Variants in PTPRT observed in about 807,000 individuals in gnomAD.
PTPRT encodes receptor-type tyrosine-protein phosphatase T.
Under a neutral mutation model 176.8 loss-of-function variants are expected in PTPRT, and 56 were observed. The observed-to-expected ratio is 0.32, with a 90% confidence interval of 0.26 to 0.40. The LOEUF (loss-of-function observed/expected upper bound fraction) is 0.40, where lower values mean the gene tolerates loss of function less well. Among genes scored for constraint, PTPRT ranks in the 10% least tolerant of loss-of-function variants. The probability of loss-of-function intolerance (pLI) is 1.00; values close to 1 mark genes in which losing one functional copy is unlikely to be tolerated. For synonymous variants in PTPRT, 783 were observed against 739.0 expected, an observed-to-expected ratio of 1.06 and a Z score of -0.96; for missense variants, 1,540 against 1,908.2, an observed-to-expected ratio of 0.81 and a Z score of 3.60.
intron 1 of PTPRT, among the ~76,000 whole-genome samples, chr20:42,916,434 T>C (rs1978761515): frequency 6.6e-6 from 1 of 152,198 alleles, no homozygotes; most frequent in Admixed American, 6.5e-5. Context: ...TACATGTGCA[T>C]GTGTCTTTAT....
rs567198941 is a variant in PTPRT at position 42,657,706 on chromosome 20, C to T, written c.1153+20160G>A. Among the ~76,000 whole-genome samples the T allele has an allele frequency of 2.6e-5, 4 of 152,284 alleles. No individual in the cohort carries two copies. The East Asian group carries it at 7.7e-4, about 29-fold the overall frequency. ...TAACTGATAATAATGCAGAATAATT[C>T]TTGTCCATAGATATGCAAATGGTTC... is the stretch of plus-strand genomic sequence containing the variant. On this transcript the variant is annotated intron_variant, in intron 7 of 30. Coordinates refer to ENST00000373187, the MANE Select transcript of PTPRT (RefSeq NM_007050.6).
intron 7 of PTPRT, among the ~76,000 whole-genome samples, chr20:42,530,873 T>C (rs1440410108): frequency 6.6e-6 from 1 of 152,202 alleles, no homozygotes; most frequent in Non-Finnish European, 1.5e-5. Context: ...ATAAATTGGA[T>C]GTCAGTGGTT....
At chr20:42,084,542 A>C (rs1224369183) in intron 29 of PTPRT, 140 bp downstream of exon 29, 14 of 662,532 alleles carry the variant, frequency 2.1e-5, no homozygotes, top group Non-Finnish European at 2.8e-5. Flanking sequence ...CTTTGAATGT[A>C]CTGCCACTAG....
chr20:42,059,431 G>A, the PTPRT span, among the ~76,000 whole-genome samples: 1 of 152,212 alleles, frequency 6.6e-6, no homozygotes, highest in Admixed American at 6.5e-5. Flanking sequence ...AAAGGTGGAT[G>A]AGATGCAAGA....
intron 7 of PTPRT, among the ~76,000 whole-genome samples, chr20:42,579,643 A>G (rs1313575971): frequency 2.6e-5 from 4 of 152,046 alleles, no homozygotes; most frequent in Non-Finnish European, 5.9e-5. Context: ...TTTGATTTGC[A>G]TTTCTCTGAT....
rs138498521 is a variant in PTPRT at position 42,214,533 on chromosome 20, C to T, written c.2343-15145G>A. Among the ~76,000 whole-genome samples the T allele has an allele frequency of 2.0e-5, 3 of 152,298 alleles. No homozygotes were observed. In the East Asian group the frequency reaches 5.8e-4, roughly 29 times the overall value. On this transcript the variant is annotated intron_variant, in intron 15 of 30. Coordinates refer to ENST00000373187, the MANE Select transcript of PTPRT (RefSeq NM_007050.6). The stretch of plus-strand genomic sequence containing the variant: ...CAGCAGCAACAGCAGCAGCAACAGA[C>T]GTCATGACAATTTGAAAGGCCAAAG...
chr20:42,587,779 A>G (rs990500809), intron 7 of PTPRT, among the ~76,000 whole-genome samples: 18 of 152,126 alleles, frequency 1.2e-4, no homozygotes, highest in African/African-American at 4.3e-4. Flanking sequence ...GATGGTGCTT[A>G]TGATCTACTG....
chr20:42,386,916 G>A (rs1368626485), intron 9 of PTPRT, among the ~76,000 whole-genome samples: 1 of 152,044 alleles, frequency 6.6e-6, no homozygotes, highest in East Asian at 1.9e-4. Flanking sequence ...GAAAATTGAA[G>A]CTGTTTTATG....
chr20:42,263,002 G>C (rs778848273), intron 13 of PTPRT, among the ~76,000 whole-genome samples: 3 of 152,110 alleles, frequency 2.0e-5, no homozygotes, highest in Non-Finnish European at 2.9e-5. Context: ...CATAGAGGGA[G>C]AACATCTCAG....
intron 7 of PTPRT, among the ~76,000 whole-genome samples, chr20:42,538,966 TATCACTA>T: frequency 6.6e-6 from 1 of 152,334 alleles, no homozygotes; most frequent in South Asian, 2.1e-4. Flanking sequence ...TCCATGCAAC[TATCACTA>T]ATTCTCCCCC....
At chr20:42,146,563 T>C (rs1988877296) in intron 17 of PTPRT, among the ~76,000 whole-genome samples, 1 of 152,184 alleles carries the variant, frequency 6.6e-6, no homozygotes, top group Non-Finnish European at 1.5e-5. Context: ...ACATAGGCAT[T>C]GGTAGTGTTT....
At position 42,193,529 on chromosome 20, in the gene PTPRT, C is replaced by T. The variant is rs145734875; in HGVS notation, c.2491+5711G>A. 1.5e-3 allele frequency among the ~76,000 whole-genome samples: 232 copies of T among 152,366 alleles called. 1 individual carries two copies. Among genetic ancestry groups the T allele is most frequent in the Non-Finnish European group, 2.7e-3 (181 of 68,038 alleles). ...CAGAGAGCCTTATTTGCTTCTAATT[C>T]TATCCCTACTCTTTCTTCATTGTGT... On this transcript the variant is annotated intron_variant, in intron 16 of 30. Transcript: ENST00000373187.
At chr20:42,157,402 C>G (rs1441056463) in intron 17 of PTPRT, among the ~76,000 whole-genome samples, 3 of 150,050 alleles carry the variant, frequency 2.0e-5, no homozygotes, top group Non-Finnish European at 4.4e-5. Flanking sequence ...CTGGAGTATA[C>G]TGGCACGATC....
intron 9 of PTPRT, among the ~76,000 whole-genome samples, chr20:42,435,222 T>G (rs1357485190): frequency 6.6e-6 from 1 of 152,154 alleles, no homozygotes; most frequent in Non-Finnish European, 1.5e-5. Flanking sequence ...TTTATAAATG[T>G]GTGTATCCCT....
At chr20:42,738,367 C>G (rs1345336207) in intron 6 of PTPRT, among the ~76,000 whole-genome samples, 1 of 151,996 alleles carries the variant, frequency 6.6e-6, no homozygotes, top group Non-Finnish European at 1.5e-5. Flanking sequence ...CAAAAATTAG[C>G]CAGGCATGGT....
chr20:43,159,087 A>G (rs1056892201), intron 1 of PTPRT, among the ~76,000 whole-genome samples: 4 of 152,330 alleles, frequency 2.6e-5, no homozygotes, highest in Middle Eastern at 3.4e-3. Context: ...ATAAAGAGAA[A>G]GAAAGAAGCC....
intron 7 of PTPRT, among the ~76,000 whole-genome samples, chr20:42,572,297 G>A (rs531067621): frequency 1.3e-3 from 203 of 152,188 alleles, no homozygotes; most frequent in Non-Finnish European, 2.1e-3. Context: ...GGACACAAAC[G>A]TTCAGACCAT....
At chr20:42,611,970 G>A (rs773816848) in intron 7 of PTPRT, among the ~76,000 whole-genome samples, 17 of 152,124 alleles carry the variant, frequency 1.1e-4, no homozygotes, top group African/African-American at 2.7e-4. Flanking sequence ...TCAAAAAATC[G>A]TAATGAACAG....
intron 5 of PTPRT, among the ~76,000 whole-genome samples, chr20:42,766,743 C>T (rs916164688): frequency 6.6e-6 from 1 of 152,192 alleles, no homozygotes; most frequent in Non-Finnish European, 1.5e-5. Context: ...AAAGAAGGGC[C>T]ACCGACATAC....
Sources: gnomAD v4.1 joint callset for allele counts (sites outside exome capture counted in the v4.1 genomes callset) on GRCh38, gnomAD v4.1.1 for gene constraint, MANE v1.5 for transcripts, NCBI Gene and HGNC (gene_info 2026-07-23, HGNC 2026-07-21) for gene names.